Variants in TCP11 observed in about 807,000 individuals in gnomAD.
The protein encoded by TCP11 is t-complex 11.
TCP11 carries 34 observed loss-of-function variants against 45.0 expected under a neutral mutation model. The observed-to-expected ratio is 0.76, with a 90% CI of 0.57 to 1.01. The LOEUF (loss-of-function observed/expected upper bound fraction) is 1.01. Ranked by LOEUF, TCP11 falls within the 50% of genes least tolerant of loss-of-function variation. The probability of loss-of-function intolerance (pLI) is 0.00; values close to 1 mark genes in which losing one functional copy is unlikely to be tolerated. For synonymous variants in TCP11, 227 were observed against 227.0 expected, an observed-to-expected ratio of 1.00 and a Z score of 0.00; for missense variants, 523 against 598.1, an observed-to-expected ratio of 0.87 and a Z score of 1.31.
In TCP11 at chr6:35,120,218, G is replaced by T; in HGVS notation, c.1056C>A (p.Pro352=). Residue 352 remains proline, a synonymous_variant, in exon 8 of 10, where the codon CCC becomes CCA. Coordinates refer to ENST00000311875, the MANE Select transcript of TCP11 (RefSeq NM_001370687.1). The surrounding 1 kb of genome is among the most constrained non-coding windows in gnomAD (Gnocchi z 4.9). ...SFSGSVLFGS[P]QFVDKLKRIT... is the part of the protein sequence containing the mutation. ...TGCGTTTCAGTTTATCTACAAATTGGGGTGAGCCAAACAAAACACTGCCGG... is the reference window on the plus strand; with the variant it reads ...TGCGTTTCAGTTTATCTACAAATTGTGGTGAGCCAAACAAAACACTGCCGG... 4 of 1,614,158 alleles carry T rather than the reference G, an allele frequency of 2.5e-6. No homozygotes were observed. The highest frequency in any genetic ancestry group is 3.4e-6 in the Non-Finnish European group (4 of 1,180,024).
At chr6:35,134,138 G>A (rs1780774763) in intron 3 of TCP11, among the ~76,000 whole-genome samples, 3 of 152,154 alleles carry the variant, frequency 2.0e-5, no homozygotes, top group Admixed American at 2.0e-4. Flanking sequence ...AAAGATCTCT[G>A]CTTCCTGATA....
chr6:35,122,071 C>G (rs751647798), intron 5 of TCP11, 46 bp downstream of exon 5: 8 of 1,599,488 alleles, frequency 5.0e-6, no homozygotes, highest in South Asian at 4.4e-5. Flanking sequence ...CTTTTCCGGG[C>G]TCAGGGGCTA....
intron 2 of TCP11, chr6:35,139,959 T>C: frequency 6.4e-7 from 1 of 1,567,404 alleles, no homozygotes; most frequent in Non-Finnish European, 8.8e-7. Flanking sequence ...TATGGACTCA[T>C]TTAAATAGAC....
intron 5 of TCP11, 126 bp downstream of exon 5, chr6:35,121,991 A>G: frequency 5.7e-6 from 5 of 871,588 alleles, no homozygotes; most frequent in Non-Finnish European, 9.1e-6. Context: ...GGGGAGAAAA[A>G]GGGTGTTAGT....
At chr6:35,126,285 C>T (rs2127657540) in intron 4 of TCP11, among the ~76,000 whole-genome samples, 1 of 152,250 alleles carries the variant, frequency 6.6e-6, no homozygotes, top group South Asian at 2.1e-4. Flanking sequence ...TTAGAGAGGG[C>T]GAGATTCATC....
chr6:35,126,030 TTC>T (rs1779785975), intron 4 of TCP11, among the ~76,000 whole-genome samples: 1 of 152,148 alleles, frequency 6.6e-6, no homozygotes, highest in African/African-American at 2.4e-5. Flanking sequence ...AGTACAAAAT[TTC>T]TGTTAGGGAA....
At chr6:35,121,719 A>C (rs1284631071) in intron 5 of TCP11, among the ~76,000 whole-genome samples, 1 of 152,002 alleles carries the variant, frequency 6.6e-6, no homozygotes, top group African/African-American at 2.4e-5. Context: ...AGGCTGAGGC[A>C]GGAGAATCGC....
intron 3 of TCP11, among the ~76,000 whole-genome samples, chr6:35,133,453 G>A (rs1004885751): frequency 1.3e-5 from 2 of 151,884 alleles, no homozygotes; most frequent in Non-Finnish European, 2.9e-5. Flanking sequence ...AAAGTGCCGG[G>A]ATTACAGGCA....
intron 2 of TCP11, chr6:35,137,700 G>A (rs1054392356): frequency 2.5e-5 from 11 of 438,676 alleles, no homozygotes; most frequent in East Asian, 7.1e-5. Context: ...CAATGATTAC[G>A]TGGTGTATAA....
chr6:35,124,655 C>A (rs1169844705), intron 4 of TCP11, among the ~76,000 whole-genome samples: 1 of 151,872 alleles, frequency 6.6e-6, no homozygotes, highest in Non-Finnish European at 1.5e-5. Context: ...GATACACAGA[C>A]CAAAAGAATA....
chr6:35,140,168 T>C, intron 2 of TCP11: 1 of 1,593,938 alleles, frequency 6.3e-7, no homozygotes, highest in East Asian at 2.3e-5. Context: ...TAGTCAAGAA[T>C]TTTATCTTGA....
chr6:35,138,201 A>G (rs1781326395), intron 2 of TCP11, among the ~76,000 whole-genome samples: 1 of 152,240 alleles, frequency 6.6e-6, no homozygotes, highest in African/African-American at 2.4e-5. Flanking sequence ...ACCTAAAAAT[A>G]GAGCTACCAC....
Position 35,120,651 on chromosome 6 carries a change from G to C in TCP11, c.716-5C>G. 2 of 1,612,376 alleles carry C rather than the reference G, an allele frequency of 1.2e-6. No homozygotes were observed. The highest frequency in any genetic ancestry group is 1.7e-6 in the Non-Finnish European group (2 of 1,179,370). On this transcript the variant is annotated splice_region_variant and splice_polypyrimidine_tract_variant and intron_variant, in intron 6 of 9. Transcript: ENST00000311875. The surrounding 1 kb of genome is among the most constrained non-coding windows in gnomAD (Gnocchi z 4.9). ...TGGTGGTGTGATTAAGGAGACCTATGACAGGTAAGGGAGTGTGTAAGCATC... is the reference window on the plus strand; with the variant it reads ...TGGTGGTGTGATTAAGGAGACCTATCACAGGTAAGGGAGTGTGTAAGCATC...
At chr6:35,124,184 G>A (rs1477185436) in intron 4 of TCP11, among the ~76,000 whole-genome samples, 5 of 152,118 alleles carry the variant, frequency 3.3e-5, no homozygotes, top group African/African-American at 9.7e-5. Context: ...AGAATCACTC[G>A]AGGTTACCCA....
chr6:35,128,316 G>T (rs557620925), intron 4 of TCP11: 1 of 152,244 alleles, frequency 6.6e-6, no homozygotes, highest in Non-Finnish European at 1.5e-5. Flanking sequence ...CCGGGTCCTA[G>T]AAGCCACCTG....
chr6:35,140,981 C>T (rs926251453), intron 1 of TCP11, 97 bp from the exon 2 acceptor site: 2 of 1,407,194 alleles, frequency 1.4e-6, no homozygotes, highest in South Asian at 1.6e-5. Context: ...GGGTAGCGGC[C>T]TCAGGGTCTT....
At chr6:35,124,925 T>C (rs1253286076) in intron 4 of TCP11, among the ~76,000 whole-genome samples, 1 of 151,470 alleles carries the variant, frequency 6.6e-6, no homozygotes, top group Non-Finnish European at 1.5e-5. Flanking sequence ...CTCACGTCTG[T>C]AATCCCAGCA....
Position 35,122,278 on chromosome 6 carries a change from A to G in TCP11, c.417T>C (p.Ala139=). The change falls in exon 5 of 10, where the codon GCT becomes GCC. Residue 139 remains alanine (A), a synonymous_variant. Transcript: ENST00000311875. Reference sequence around the variant, plus strand: ...CCTGCTTGAGCAAGTCCATGTCCAGAGCTTCTTCAATCTCAATTCTCAGGC... The same window carrying G: ...CCTGCTTGAGCAAGTCCATGTCCAGGGCTTCTTCAATCTCAATTCTCAGGC... The part of the protein sequence containing the change: ...QNRLRIEIEE[A]LDMDLLKQEA... The G allele has an allele frequency of 2.5e-6, 4 of 1,614,074 alleles. No homozygotes were observed. Among genetic ancestry groups the G allele is most frequent in the Non-Finnish European group, 3.4e-6 (4 of 1,180,016 alleles).
chr6:35,136,368 C>T, intron 2 of TCP11, 150 bp from the exon 3 acceptor site: 2 of 578,386 alleles, frequency 3.5e-6, no homozygotes, highest in East Asian at 5.9e-5. Flanking sequence ...TTTCTGCACT[C>T]TATGCCCCAC....
Sources: allele counts gnomAD v4.1 joint callset (sites outside exome capture counted in the v4.1 genomes callset), GRCh38; gene constraint gnomAD v4.1.1; non-coding constraint Gnocchi (gnomAD v3.1); transcripts MANE v1.5; gene names NCBI Gene and HGNC (gene_info 2026-07-23, HGNC 2026-07-21).